Variants in SLC35A1 observed in about 807,000 individuals in gnomAD.
SLC35A1 encodes the protein CMP-sialic acid transporter.
In SLC35A1, 21 loss-of-function variants were observed where a neutral mutation model predicts 40.3. The observed-to-expected ratio is 0.52, with a 90% confidence interval of 0.37 to 0.75. The LOEUF (loss-of-function observed/expected upper bound fraction) is 0.75, where lower values mean the gene tolerates loss of function less well. Among genes scored for constraint, SLC35A1 ranks in the 30% least tolerant of loss-of-function variants. The probability of loss-of-function intolerance (pLI) is 0.00; values close to 1 mark genes in which losing one functional copy is unlikely to be tolerated. For synonymous variants in SLC35A1, 146 were observed against 147.3 expected (o/e 0.99, Z 0.06); for missense variants, 297 against 382.1 (o/e 0.78, Z 1.86).
intron 4 of SLC35A1, among the ~76,000 whole-genome samples, chr6:87,504,059 C>T (rs745491074): frequency 1.3e-4 from 19 of 151,998 alleles, no homozygotes; most frequent in South Asian, 6.2e-4. Flanking sequence ...GTAGTCTAGG[C>T]GGGGAGAATT....
In SLC35A1 at chr6:87,511,671, A is replaced by C; in HGVS notation, c.*145A>C. ...GGTTATGTGGAAACAACAACAAACA[A>C]ACGAAGCTATCTGAGTGAACTGCTA... On this transcript the variant is annotated 3_prime_UTR_variant, in exon 8 of 8. Transcript: ENST00000369552. The C allele has an allele frequency of 1.4e-5, 12 of 887,304 alleles. No individual in the cohort carries two copies. Among genetic ancestry groups the C allele is most frequent in the Non-Finnish European group, 5.6e-6 (3 of 535,730 alleles). 55.0% of individuals were successfully genotyped at this position (887,304 alleles called of 1,614,324 possible). A position where few individuals can be genotyped will look rare whatever the true frequency, so the allele number is the denominator to read the frequency against.
At chr6:87,484,198 G>A (rs1291422496) in intron 2 of SLC35A1, among the ~76,000 whole-genome samples, 1 of 152,094 alleles carries the variant, frequency 6.6e-6, no homozygotes, top group Non-Finnish European at 1.5e-5. Context: ...CTTGCACTGG[G>A]CGGGTCCTGA....
intron 2 of SLC35A1, among the ~76,000 whole-genome samples, chr6:87,493,098 C>G (rs550883412): frequency 5.2e-4 from 79 of 152,250 alleles, no homozygotes; most frequent in African/African-American, 1.7e-3. Flanking sequence ...CTTCTTCCCC[C>G]CTTTCTCTCC....
intron 2 of SLC35A1, among the ~76,000 whole-genome samples, chr6:87,492,183 A>G (rs1769573267): frequency 6.6e-6 from 1 of 152,224 alleles, no homozygotes; most frequent in Non-Finnish European, 1.5e-5. Flanking sequence ...GTACTGATAT[A>G]GTACTATTAC....
At chr6:87,476,545 T>G (rs1310390839) in intron 1 of SLC35A1, among the ~76,000 whole-genome samples, 7 of 142,132 alleles carry the variant, frequency 4.9e-5, no homozygotes, top group East Asian at 2.1e-4. Flanking sequence ...GCCAACATGG[T>G]GAAACCTCTT....
chr6:87,509,746 T>C (rs1474832948), intron 7 of SLC35A1, among the ~76,000 whole-genome samples: 1 of 152,176 alleles, frequency 6.6e-6, no homozygotes, highest in Non-Finnish European at 1.5e-5. Context: ...TAGCTGGCAT[T>C]CCAGTACCAC....
chr6:87,486,669 G>C (rs1340744921), intron 2 of SLC35A1, among the ~76,000 whole-genome samples: 1 of 152,180 alleles, frequency 6.6e-6, no homozygotes, highest in Non-Finnish European at 1.5e-5. Context: ...TTTCCTCTCT[G>C]AGGAAGTTAC....
chr6:87,496,788 A>AC (rs1769743337), intron 2 of SLC35A1, among the ~76,000 whole-genome samples: 1 of 143,776 alleles, frequency 7.0e-6, no homozygotes, highest in Non-Finnish European at 1.5e-5. Flanking sequence ...TCAAAAAAAA[A>AC]AAAAAAGAAA....
chr6:87,473,800 A>G (rs1446021167), intron 1 of SLC35A1, among the ~76,000 whole-genome samples: 2 of 152,230 alleles, frequency 1.3e-5, no homozygotes, highest in Admixed American at 6.5e-5. Flanking sequence ...ACTGTGGTGC[A>G]TTAACCAGGA....
chr6:87,483,866 G>A (rs1037222050), intron 2 of SLC35A1, among the ~76,000 whole-genome samples: 5 of 152,070 alleles, frequency 3.3e-5, no homozygotes, highest in African/African-American at 7.2e-5. Flanking sequence ...TAGTGTTGGC[G>A]TGCTGGTATA....
Position 87,501,197 on chromosome 6 carries a change from A to G in SLC35A1, c.394A>G (p.Thr132Ala), listed in dbSNP as rs2127974599. 4.3e-6 allele frequency: 7 copies of G among 1,613,748 alleles called. No individual in the cohort carries two copies. The highest frequency in any genetic ancestry group is 5.9e-6 in the Non-Finnish European group (7 of 1,179,832). The change falls in exon 4 of 8, where the codon ACT becomes GCT. Residue 132 changes from threonine (T) to alanine (A), a missense_variant. Transcript: ENST00000369552. The stretch of plus-strand genomic sequence containing the variant: ...GAAGATTCCGTGTACTGCTTTATGC[A>G]CTGTTTTAATGTTAAACCGGACACT... The part of the protein sequence containing the change: ...QLKIPCTALC[T>A]VLMLNRTLSK...
chr6:87,480,072 C>G (rs557349767), intron 2 of SLC35A1, among the ~76,000 whole-genome samples: 1 of 152,220 alleles, frequency 6.6e-6, no homozygotes, highest in Non-Finnish European at 1.5e-5. Context: ...ACCATACATC[C>G]GCTCAGGGAT....
chr6:87,503,546 A>C (rs1769983764), intron 4 of SLC35A1, among the ~76,000 whole-genome samples: 1 of 152,110 alleles, frequency 6.6e-6, no homozygotes, highest in South Asian at 2.1e-4. Flanking sequence ...CCCCGTCTGT[A>C]CTAAAAATAC....
In SLC35A1 at chr6:87,487,332, C is replaced by T. The variant is rs564747748; in HGVS notation, c.194+9793C>T. ...TCAGCTAGGATGACAGCACAGGTCA[C>T]GAAGAGAAGTTAATGGATTTGAGTT... On this transcript the variant is annotated intron_variant, in intron 2 of 7. Coordinates refer to ENST00000369552, the MANE Select transcript of SLC35A1 (RefSeq NM_006416.5). 1.5e-4 allele frequency among the ~76,000 whole-genome samples: 23 copies of T among 152,192 alleles called. No homozygotes were observed. In the East Asian group the frequency reaches 3.9e-3, roughly 26 times the overall value.
chr6:87,484,911 G>A (rs1415227355), intron 2 of SLC35A1, among the ~76,000 whole-genome samples: 1 of 152,224 alleles, frequency 6.6e-6, no homozygotes, highest in Non-Finnish European at 1.5e-5. Context: ...GCCATTAAGA[G>A]TGATATGAAC....
intron 4 of SLC35A1, among the ~76,000 whole-genome samples, chr6:87,505,905 C>G (rs1207060454): frequency 6.6e-6 from 1 of 152,124 alleles, no homozygotes; most frequent in Admixed American, 6.5e-5. Flanking sequence ...GACAATGTAT[C>G]TGGTACACAG....
At chr6:87,474,708 A>G (rs2127961548) in intron 1 of SLC35A1, among the ~76,000 whole-genome samples, 1 of 152,360 alleles carries the variant, frequency 6.6e-6, no homozygotes, top group Non-Finnish European at 1.5e-5. Context: ...ACTTAAAAAC[A>G]TTTAGTATTT....
chr6:87,508,882 C>CCACT lies in SLC35A1; in HGVS notation c.752-157_752-156insCTCA, dbSNP rs10638303. ...GAAAAACAGTGTTATATAGGAACTA[C>CCACT]CAATTTTAGTACAAACTCTCAGATG... On this transcript the variant is annotated intron_variant, in intron 6 of 7. Coordinates refer to ENST00000369552, the MANE Select transcript of SLC35A1 (RefSeq NM_006416.5). Among the ~76,000 whole-genome samples the CCACT allele has an allele frequency of 0.39, 58,534 of 151,696 alleles. 11,337 individuals carry two copies. The highest frequency in any genetic ancestry group is 0.46 in the Admixed American group (7,045 of 15,210).
chr6:87,499,881 C>T (rs1769865358), intron 2 of SLC35A1, among the ~76,000 whole-genome samples: 2 of 152,060 alleles, frequency 1.3e-5, no homozygotes, highest in Non-Finnish European at 1.5e-5. Flanking sequence ...TTTGGGAGGC[C>T]GAGGCGGGCA....
Sources: gnomAD v4.1 joint callset for allele counts (sites outside exome capture counted in the v4.1 genomes callset) on GRCh38, gnomAD v4.1.1 for gene constraint, MANE v1.5 for transcripts, NCBI Gene and HGNC (gene_info 2026-07-23, HGNC 2026-07-21) for gene names.